SLC35D4: variants seen among roughly 807,000 people sequenced by gnomAD.
The protein encoded by SLC35D4 is solute carrier family 35 member D4.
chr18:23,304,007 G>A, the SLC35D4 span, among the ~76,000 whole-genome samples: 2 of 151,352 alleles, frequency 1.3e-5, no homozygotes, highest in Non-Finnish European at 2.9e-5. Context: ...CTTGAGGCCA[G>A]GAGTTTGAGA....
the SLC35D4 span, among the ~76,000 whole-genome samples, chr18:23,386,816 A>G: frequency 6.6e-6 from 1 of 151,930 alleles, no homozygotes; most frequent in South Asian, 2.1e-4. Flanking sequence ...CATTGCTGGG[A>G]CATTTGTTAA....
At chr18:23,328,760 C>A in the SLC35D4 span, among the ~76,000 whole-genome samples, 2 of 152,112 alleles carry the variant, frequency 1.3e-5, no homozygotes, top group Non-Finnish European at 2.9e-5. Context: ...CAATCCTAAG[C>A]CAAAAGAACA....
chr18:23,251,851 C>T, the SLC35D4 span, among the ~76,000 whole-genome samples: 97 of 152,084 alleles, frequency 6.4e-4, no homozygotes, highest in Non-Finnish European at 7.5e-4. Context: ...TTTGGGAGGC[C>T]GAGGCAGGCA....
At chr18:23,392,324 C>G in the SLC35D4 span, among the ~76,000 whole-genome samples, 1 of 152,148 alleles carries the variant, frequency 6.6e-6, no homozygotes, top group African/African-American at 2.4e-5. Flanking sequence ...ACCACACATC[C>G]TCTCTGGAAG....
At chr18:23,288,740 C>T in the SLC35D4 span, among the ~76,000 whole-genome samples, 3 of 152,170 alleles carry the variant, frequency 2.0e-5, no homozygotes, top group Non-Finnish European at 4.4e-5. Context: ...GCCTTCCCAC[C>T]TTTATACAGT....
the SLC35D4 span, among the ~76,000 whole-genome samples, chr18:23,371,998 G>C: frequency 2.5e-3 from 318 of 125,284 alleles, no homozygotes; most frequent in Middle Eastern, 4.5e-3. Flanking sequence ...TGCAGTGGCG[G>C]GATCTCGGCT....
the SLC35D4 span, among the ~76,000 whole-genome samples, chr18:23,349,521 C>G: frequency 1.3e-5 from 2 of 152,172 alleles, no homozygotes; most frequent in Admixed American, 6.5e-5. Flanking sequence ...GTCCCAGCTA[C>G]TCGGGAGGCT....
the SLC35D4 span, among the ~76,000 whole-genome samples, chr18:23,309,193 C>A: frequency 3.4e-5 from 5 of 148,630 alleles, no homozygotes; most frequent in Non-Finnish European, 7.4e-5. Context: ...TTGGTTTAAT[C>A]TGAGGATCTG....
chr18:23,361,215 C>T, the SLC35D4 span, among the ~76,000 whole-genome samples: 1 of 151,594 alleles, frequency 6.6e-6, no homozygotes, highest in African/African-American at 2.4e-5. Flanking sequence ...TGAACAGATT[C>T]TTCCAAGACT....
the SLC35D4 span, among the ~76,000 whole-genome samples, chr18:23,393,068 A>T: frequency 6.6e-6 from 1 of 151,984 alleles, no homozygotes; most frequent in Admixed American, 6.6e-5. Context: ...GGTGCATGCT[A>T]CCATGCCAGG....
At chr18:23,399,752 C>T in the SLC35D4 span, 1 of 1,072,142 alleles carries the variant, frequency 9.3e-7, no homozygotes, top group Non-Finnish European at 1.4e-6. Flanking sequence ...ACAACAGAGG[C>T]TGTCTAAAAA....
chr18:23,246,072 C>T, the SLC35D4 span, among the ~76,000 whole-genome samples: 1 of 152,138 alleles, frequency 6.6e-6, no homozygotes, highest in South Asian at 2.1e-4. Context: ...TCGAGACCAT[C>T]CTGGCCAACG....
chr18:23,348,623 C>T, the SLC35D4 span, among the ~76,000 whole-genome samples: 1 of 152,056 alleles, frequency 6.6e-6, no homozygotes, highest in African/African-American at 2.4e-5. Context: ...GTTATAAAGT[C>T]TATTTTGTCT....
At chr18:23,272,119 G>A in the SLC35D4 span, among the ~76,000 whole-genome samples, 5,397 of 152,312 alleles carry the variant, frequency 0.035, 323 homozygotes, top group African/African-American at 0.12. Context: ...GAAGTAGTTG[G>A]TATCTGAAGT....
chr18:23,239,172 C>T, the SLC35D4 span, among the ~76,000 whole-genome samples: 7 of 152,372 alleles, frequency 4.6e-5, no homozygotes, highest in Admixed American at 4.6e-4. Flanking sequence ...ACACATACAA[C>T]TTTTCCTCCT....
the SLC35D4 span, among the ~76,000 whole-genome samples, chr18:23,299,648 G>T: frequency 6.6e-6 from 1 of 152,222 alleles, no homozygotes; most frequent in Admixed American, 6.5e-5. Flanking sequence ...GAGCAAGAGA[G>T]AACAAATGTA....
the SLC35D4 span, among the ~76,000 whole-genome samples, chr18:23,300,628 A>G: frequency 5.3e-5 from 8 of 152,202 alleles, no homozygotes; most frequent in African/African-American, 1.9e-4. Context: ...CAGGGAGGTG[A>G]GCTTTGATGT....
the SLC35D4 span, chr18:23,356,635 T>A: frequency 1.2e-6 from 2 of 1,614,112 alleles, no homozygotes; most frequent in Non-Finnish European, 1.7e-6. The surrounding 1 kb of genome is among the most constrained non-coding windows in gnomAD (Gnocchi z 4.1). Flanking sequence ...AGTACAGGAA[T>A]GGGAAGTCCA....
chr18:23,368,227 G>A, the SLC35D4 span, among the ~76,000 whole-genome samples: 1 of 152,106 alleles, frequency 6.6e-6, no homozygotes, highest in Non-Finnish European at 1.5e-5. Context: ...TCCACCCCAG[G>A]CTTCATCCTG....
Sources: allele counts gnomAD v4.1 joint callset (sites outside exome capture counted in the v4.1 genomes callset), GRCh38; gene constraint gnomAD v4.1.1; non-coding constraint Gnocchi (gnomAD v3.1); transcripts MANE v1.5; gene names NCBI Gene and HGNC (gene_info 2026-07-23, HGNC 2026-07-21).